Variants in NFIA observed in about 807,000 individuals in gnomAD.
The protein encoded by NFIA is nuclear factor I A.
A neutral mutation model predicts 62.8 loss-of-function variants in NFIA; 8 were observed. The ratio of observed to expected loss-of-function variants is 0.13; its 90% CI spans 0.07 to 0.23. The LOEUF (loss-of-function observed/expected upper bound fraction) is 0.23, where lower values mean the gene tolerates loss of function less well. NFIA is among the 10% of genes least tolerant of loss of function. NFIA has a pLI of 1.00. For synonymous variants in NFIA, 235 were observed against 238.1 expected (o/e 0.99, Z 0.12); for missense variants, 410 against 642.1 (o/e 0.64, Z 3.91).
At chr1:61,230,428 C>T (rs1654602018) in intron 2 of NFIA, among the ~76,000 whole-genome samples, 1 of 152,046 alleles carries the variant, frequency 6.6e-6, no homozygotes, top group Non-Finnish European at 1.5e-5. Flanking sequence ...TTATCTCTTA[C>T]TCTTCTTTCA....
At chr1:61,244,221 TG>T (rs1655512421) in intron 2 of NFIA, among the ~76,000 whole-genome samples, 1 of 152,242 alleles carries the variant, frequency 6.6e-6, no homozygotes, top group South Asian at 2.1e-4. Flanking sequence ...GTTTTGTTGA[TG>T]ACTGCTGCGA....
chr1:61,082,140 C>G, upstream of NFIA: 1 of 1,014,986 alleles, frequency 9.9e-7, no homozygotes, highest in Middle Eastern at 3.5e-4. Context: ...CTATAGCTGC[C>G]CGGGAGTACA....
intron 9 of NFIA, among the ~76,000 whole-genome samples, chr1:61,420,350 T>C (rs2100545956): frequency 6.6e-6 from 1 of 152,234 alleles, no homozygotes; most frequent in Non-Finnish European, 1.5e-5. Flanking sequence ...GCATTATTTT[T>C]AGAAATGAAA....
At chr1:61,120,374 T>G (rs1646868817) in intron 2 of NFIA, among the ~76,000 whole-genome samples, 1 of 152,202 alleles carries the variant, frequency 6.6e-6, no homozygotes, top group South Asian at 2.1e-4. Flanking sequence ...TTTATCTAGG[T>G]GATTAGTATT....
Position 61,277,311 on chromosome 1 carries a change from G to A in NFIA, c.560-209G>A, listed in dbSNP as rs75139686. ...ATGCCACCGTAGGTGTCCGCAAACC[G>A]GAGCGTCCTCTCTAAAGGCACAGGC... is the stretch of plus-strand genomic sequence containing the variant. On this transcript the variant is annotated intron_variant, in intron 2 of 10. Coordinates refer to ENST00000403491, the MANE Select transcript of NFIA (RefSeq NM_001134673.4). 0.017 allele frequency among the ~76,000 whole-genome samples: 2,653 copies of A among 152,210 alleles called. 61 individuals carry two copies. The highest frequency in any genetic ancestry group is 0.021 in the Non-Finnish European group (1,460 of 68,018).
intron 2 of NFIA, among the ~76,000 whole-genome samples, chr1:61,144,408 C>T (rs1451402269): frequency 6.6e-6 from 1 of 152,152 alleles, no homozygotes; most frequent in Non-Finnish European, 1.5e-5. Context: ...TCCCAGACTA[C>T]CGTGTGTGTG....
intron 2 of NFIA, among the ~76,000 whole-genome samples, chr1:61,137,953 C>CTT (rs1240928223): frequency 4.9e-5 from 7 of 142,886 alleles, no homozygotes; most frequent in African/African-American, 7.6e-5. Context: ...TCTCCCACCT[C>CTT]TTTTTTTTTT....
chr1:61,122,367 G>GT (rs1202228801), intron 2 of NFIA, among the ~76,000 whole-genome samples: 2 of 152,208 alleles, frequency 1.3e-5, no homozygotes, highest in Non-Finnish European at 2.9e-5. Flanking sequence ...TCAAGTTGCT[G>GT]TAAGAGTTAT....
intron 7 of NFIA, among the ~76,000 whole-genome samples, chr1:61,402,891 A>G (rs1023878722): frequency 6.6e-6 from 1 of 152,194 alleles, no homozygotes; most frequent in African/African-American, 2.4e-5. Flanking sequence ...AAGTGCCCCA[A>G]TCATGAGGAG....
chr1:61,432,630 CACATATATATACACATATATAT>C (rs1286387537), intron 10 of NFIA, among the ~76,000 whole-genome samples: 2 of 151,416 alleles, frequency 1.3e-5, no homozygotes, highest in Non-Finnish European at 2.9e-5. Context: ...CACACGTACA[CACATATATATACACATATATAT>C]ACATATATAT....
Position 61,278,649 on chromosome 1 carries a change from G to A in NFIA, c.625+1064G>A, listed in dbSNP as rs12063538. 9.9e-3 allele frequency among the ~76,000 whole-genome samples: 1,512 copies of A among 152,240 alleles called. 33 individuals carry two copies. Among genetic ancestry groups the A allele is most frequent in the African/African-American group, 0.034 (1,419 of 41,520 alleles). On this transcript the variant is annotated intron_variant, in intron 3 of 10. Transcript: ENST00000403491. ...CTAAAAATAGAAAAATTATTCGGTCGTAGTGGCATGTGCCTGCTGTAATCC... is the reference window on the plus strand; with the variant it reads ...CTAAAAATAGAAAAATTATTCGGTCATAGTGGCATGTGCCTGCTGTAATCC...
intron 2 of NFIA, among the ~76,000 whole-genome samples, chr1:61,232,981 A>T (rs1045080305): frequency 2.0e-5 from 3 of 152,082 alleles, no homozygotes; most frequent in African/African-American, 7.2e-5. Flanking sequence ...TTTTCTCAGA[A>T]TTGTAATTGA....
intron 5 of NFIA, among the ~76,000 whole-genome samples, chr1:61,357,686 CCT>C (rs1663036601): frequency 6.6e-6 from 1 of 152,152 alleles, no homozygotes; most frequent in Non-Finnish European, 1.5e-5. Context: ...GTTTTGTTTG[CCT>C]CTCTGTCTCC....
chr1:61,124,694 G>C (rs1646939904), intron 2 of NFIA: 1 of 152,186 alleles, frequency 6.6e-6, no homozygotes, highest in African/African-American at 2.4e-5. Flanking sequence ...ATTACCTTTA[G>C]TGATAAAGTT....
chr1:61,430,003 T>G (rs576455015), intron 10 of NFIA, among the ~76,000 whole-genome samples: 5 of 152,346 alleles, frequency 3.3e-5, no homozygotes, highest in African/African-American at 1.2e-4. Context: ...ATGTTGGTGA[T>G]GTTTGCACAA....
At position 61,287,068 on chromosome 1, in the gene NFIA, T is replaced by A. The variant is rs115495157; in HGVS notation, c.625+9483T>A. 1.7e-3 allele frequency among the ~76,000 whole-genome samples: 256 copies of A among 152,316 alleles called. 2 individuals are homozygous for A. The highest frequency in any genetic ancestry group is 5.9e-3 in the African/African-American group (246 of 41,568). On this transcript the variant is annotated intron_variant, in intron 3 of 10. Coordinates refer to ENST00000403491, the MANE Select transcript of NFIA (RefSeq NM_001134673.4). ...GCCAAGGAAAAGATATGGCACATCC[T>A]TGAAAAGCCATGGTATACTCTGGAA...
intron 2 of NFIA, among the ~76,000 whole-genome samples, chr1:61,112,517 C>T (rs1309197098): frequency 6.6e-6 from 1 of 152,086 alleles, no homozygotes; most frequent in Non-Finnish European, 1.5e-5. Context: ...TTTCTTTTGG[C>T]TATTGCTGGA....
chr1:61,271,350 C>T (rs998614354), intron 2 of NFIA, among the ~76,000 whole-genome samples: 3 of 152,206 alleles, frequency 2.0e-5, no homozygotes, highest in Admixed American at 2.0e-4. Flanking sequence ...ACCGACTAAA[C>T]AGATGGGCCC....
intron 2 of NFIA, among the ~76,000 whole-genome samples, chr1:61,108,987 C>T (rs1191271827): frequency 1.3e-5 from 2 of 151,686 alleles, no homozygotes; most frequent in African/African-American, 4.8e-5. Flanking sequence ...AAAGAATTAC[C>T]ATATTTCATA....
Sources: gnomAD v4.1 joint callset for allele counts (sites outside exome capture counted in the v4.1 genomes callset) on GRCh38, gnomAD v4.1.1 for gene constraint, MANE v1.5 for transcripts, NCBI Gene and HGNC (gene_info 2026-07-23, HGNC 2026-07-21) for gene names.